The following PDE1A variants were observed in gnomAD, a reference collection of about 807,000 sequenced individuals.
PDE1A encodes phosphodiesterase 1A.
In PDE1A, 35 loss-of-function variants were observed where a neutral mutation model predicts 61.7. The observed-to-expected ratio is 0.57, with a 90% CI of 0.43 to 0.75. PDE1A has a LOEUF of 0.75. Among genes scored for constraint, PDE1A ranks in the 30% least tolerant of loss-of-function variants. The probability of loss-of-function intolerance (pLI) is 0.00; values close to 1 mark genes in which losing one functional copy is unlikely to be tolerated. For synonymous variants in PDE1A, 232 were observed against 213.2 expected, an observed-to-expected ratio of 1.09 and a Z score of -0.77; for missense variants, 597 against 630.6, an observed-to-expected ratio of 0.95 and a Z score of 0.57.
the PDE1A span, among the ~76,000 whole-genome samples, chr2:182,594,192 T>C: frequency 6.6e-6 from 1 of 152,230 alleles, no homozygotes; most frequent in Non-Finnish European, 1.5e-5. Flanking sequence ...AAATTTTTCA[T>C]TTACTTTTAA....
chr2:182,522,380 G>A, exon 2 of PDE1A: 1 of 1,613,228 alleles, frequency 6.2e-7, no homozygotes, highest in Non-Finnish European at 8.5e-7. Flanking sequence ...ACCCCATGAT[G>A]ATGCTCCTAA....
chr2:182,661,601 G>A, the PDE1A span, among the ~76,000 whole-genome samples: 89,931 of 151,638 alleles, frequency 0.59, 27,669 homozygotes, highest in Middle Eastern at 0.74. Context: ...ATAAAAATAT[G>A]GAACGGCTGG....
At chr2:182,181,768 T>C (rs1183224152) in intron 13 of PDE1A, among the ~76,000 whole-genome samples, 1 of 152,180 alleles carries the variant, frequency 6.6e-6, no homozygotes. Context: ...AGAGATGCCC[T>C]GCCCAGTGAG....
At chr2:182,169,361 A>AC (rs1691916656) in intron 13 of PDE1A, among the ~76,000 whole-genome samples, 1 of 152,238 alleles carries the variant, frequency 6.6e-6, no homozygotes, top group Non-Finnish European at 1.5e-5. Context: ...ATTTATTTGC[A>AC]CACAAATGTG....
At chr2:182,586,374 G>A in the PDE1A span, among the ~76,000 whole-genome samples, 4 of 152,144 alleles carry the variant, frequency 2.6e-5, no homozygotes, top group Non-Finnish European at 5.9e-5. Flanking sequence ...ACTATCAAGG[G>A]AAGATTGGTG....
intron 13 of PDE1A, among the ~76,000 whole-genome samples, chr2:182,162,287 G>A (rs1035447773): frequency 2.0e-5 from 3 of 152,132 alleles, no homozygotes; most frequent in African/African-American, 7.2e-5. Flanking sequence ...CAAGGTGGGC[G>A]TAGTTACTGG....
intron 2 of PDE1A, among the ~76,000 whole-genome samples, chr2:182,240,631 T>C (rs1444276569): frequency 1.3e-5 from 2 of 152,134 alleles, no homozygotes; most frequent in East Asian, 3.9e-4. Flanking sequence ...GGGAAGTGAA[T>C]TCATAAACAG....
chr2:182,201,834 G>T (rs1207296034), intron 8 of PDE1A, 45 bp from the exon 9 acceptor site: 2 of 1,205,854 alleles, frequency 1.7e-6, no homozygotes, highest in Non-Finnish European at 2.4e-6. Context: ...GCCATTTATT[G>T]TTCTGAAGTG....
chr2:182,186,452 A>T lies in PDE1A; in HGVS notation c.1328+16T>A. 6.2e-7 allele frequency: 1 copy of T among 1,606,628 alleles called. No individual in the cohort carries two copies. Among genetic ancestry groups the T allele is most frequent in the Non-Finnish European group, 8.5e-7 (1 of 1,178,382 alleles). On this transcript the variant is annotated intron_variant, in intron 12 of 13. Transcript: ENST00000351439. ...CCACAAAGATGAAAAATAATGCAAA[A>T]AAGAAAATATCATACCTGCTTGCCA...
intron 1 of PDE1A, among the ~76,000 whole-genome samples, chr2:182,280,198 A>G (rs1176622548): frequency 6.6e-6 from 1 of 151,798 alleles, no homozygotes; most frequent in Non-Finnish European, 1.5e-5. Context: ...TATGTTCTGA[A>G]TGTCTATCCA....
the PDE1A span, among the ~76,000 whole-genome samples, chr2:182,649,172 C>T: frequency 6.6e-6 from 1 of 152,154 alleles, no homozygotes; most frequent in Non-Finnish European, 1.5e-5. Context: ...AACTGGATAG[C>T]TGAGAGATTA....
At chr2:182,290,345 T>C (rs1186341887) in intron 1 of PDE1A, among the ~76,000 whole-genome samples, 1 of 152,150 alleles carries the variant, frequency 6.6e-6, no homozygotes, top group Non-Finnish European at 1.5e-5. Flanking sequence ...GATAAATGTT[T>C]AGTAATATCC....
chr2:182,247,272 T>C (rs1377165730), intron 2 of PDE1A, among the ~76,000 whole-genome samples: 1 of 152,184 alleles, frequency 6.6e-6, no homozygotes, highest in Admixed American at 6.5e-5. Context: ...AAAGTATGCA[T>C]TGTTTATATG....
chr2:182,179,443 T>C (rs1336758332), intron 13 of PDE1A, among the ~76,000 whole-genome samples: 2 of 152,150 alleles, frequency 1.3e-5, no homozygotes, highest in East Asian at 1.9e-4. Context: ...AACTAAATTA[T>C]ACATTGTTTA....
chr2:182,322,542 G>T (rs1696761582), intron 1 of PDE1A, among the ~76,000 whole-genome samples: 1 of 152,144 alleles, frequency 6.6e-6, no homozygotes. Flanking sequence ...GTGGAACTGT[G>T]AGTCCATTAA....
chr2:182,408,410 CT>C (rs1702425904), intron 1 of PDE1A, among the ~76,000 whole-genome samples: 1 of 152,164 alleles, frequency 6.6e-6, no homozygotes, highest in African/African-American at 2.4e-5. Context: ...GTGAACAATA[CT>C]TACTAGAATG....
At chr2:182,455,638 T>C (rs1008921130) in intron 2 of PDE1A, among the ~76,000 whole-genome samples, 1 of 152,100 alleles carries the variant, frequency 6.6e-6, no homozygotes, top group Non-Finnish European at 1.5e-5. Context: ...GCCATCATTC[T>C]CAGCAAACTA....
intron 13 of PDE1A, among the ~76,000 whole-genome samples, chr2:182,171,946 C>T (rs1028054965): frequency 9.9e-5 from 15 of 151,858 alleles, no homozygotes; most frequent in African/African-American, 3.6e-4. Context: ...TTTCAGAAGC[C>T]ACAAAACTCC....
chr2:182,596,084 ACAAC>A, the PDE1A span, among the ~76,000 whole-genome samples: 1 of 152,230 alleles, frequency 6.6e-6, no homozygotes, highest in African/African-American at 2.4e-5. Flanking sequence ...AGCAACAACA[ACAAC>A]CAACCTTTGT....
Sources: gnomAD v4.1 joint callset for allele counts (sites outside exome capture counted in the v4.1 genomes callset) on GRCh38, gnomAD v4.1.1 for gene constraint, MANE v1.5 for transcripts, NCBI Gene and HGNC (gene_info 2026-07-23, HGNC 2026-07-21) for gene names.